EVL: variants seen among roughly 807,000 people sequenced by gnomAD.
EVL encodes Enah/Vasp-like, also known as ena/VASP-like protein.
In EVL, 21 loss-of-function variants were observed where a neutral mutation model predicts 59.6. The ratio of observed to expected loss-of-function variants is 0.35; its 90% CI spans 0.25 to 0.51. EVL has a LOEUF of 0.51. Among genes scored for constraint, EVL ranks in the 20% least tolerant of loss-of-function variants. The pLI is 0.97. For missense variants in EVL, 462 were observed against 546.6 expected (o/e 0.85, Z 1.54); for synonymous variants, 198 against 203.5 (o/e 0.97, Z 0.23).
At chr14:100,099,918 A>G (rs1207991690) in intron 3 of EVL, among the ~76,000 whole-genome samples, 2 of 140,770 alleles carry the variant, frequency 1.4e-5, no homozygotes, top group East Asian at 4.1e-4. Flanking sequence ...GTTTTTATTT[A>G]ATTTAAGTGG....
chr14:99,991,040 T>G (rs1347516564), intron 1 of EVL, among the ~76,000 whole-genome samples: 3 of 152,114 alleles, frequency 2.0e-5, no homozygotes, highest in Non-Finnish European at 4.4e-5. Flanking sequence ...AAAAATTTTT[T>G]GGAGATTTGT....
intron 1 of EVL, among the ~76,000 whole-genome samples, chr14:99,982,830 C>T (rs939251307): frequency 6.6e-6 from 1 of 152,130 alleles, no homozygotes; most frequent in African/African-American, 2.4e-5. Context: ...ACTGAGCAGC[C>T]TGGGTTTTAG....
At chr14:100,066,870 T>C (rs1469947982) in intron 1 of EVL, among the ~76,000 whole-genome samples, 1 of 152,236 alleles carries the variant, frequency 6.6e-6, no homozygotes, top group Non-Finnish European at 1.5e-5. Context: ...GGGCACCTTA[T>C]TCTCCACTTC....
intron 3 of EVL, among the ~76,000 whole-genome samples, chr14:100,105,279 A>G (rs1487730138): frequency 6.6e-6 from 1 of 152,160 alleles, no homozygotes; most frequent in Non-Finnish European, 1.5e-5. Flanking sequence ...ACGGGGACTC[A>G]GGATATGTGT....
intron 1 of EVL, among the ~76,000 whole-genome samples, chr14:100,079,805 C>A (rs2062253081): frequency 6.6e-6 from 1 of 152,110 alleles, no homozygotes; most frequent in Admixed American, 6.5e-5. Context: ...AGTCCAGGGG[C>A]ACAGAGCCTG....
intron 1 of EVL, among the ~76,000 whole-genome samples, chr14:100,000,676 C>T (rs556095716): frequency 1.6e-4 from 25 of 152,172 alleles, no homozygotes; most frequent in Non-Finnish European, 2.2e-4. Context: ...CCAAAGGAGG[C>T]GATCAGGTAT....
chr14:100,063,055 A>C (rs2140266191), upstream of EVL, among the ~76,000 whole-genome samples: 1 of 152,312 alleles, frequency 6.6e-6, no homozygotes, highest in East Asian at 1.9e-4. Context: ...CTATGATCAC[A>C]CCACTGCATT....
intron 1 of EVL, among the ~76,000 whole-genome samples, chr14:100,003,597 A>G (rs973968038): frequency 4.6e-5 from 7 of 152,082 alleles, no homozygotes; most frequent in African/African-American, 1.7e-4. Context: ...TTGTATTTTT[A>G]GTAGAGACGG....
chr14:100,104,242 C>G (rs546880730), intron 3 of EVL, among the ~76,000 whole-genome samples: 1 of 152,192 alleles, frequency 6.6e-6, no homozygotes, highest in Non-Finnish European at 1.5e-5. Flanking sequence ...CTTTTGAGTT[C>G]TTCTATTTAT....
chr14:100,046,769 T>C (rs974020407), intron 1 of EVL, among the ~76,000 whole-genome samples: 1 of 148,262 alleles, frequency 6.7e-6, no homozygotes. Context: ...TTTTTTTTTT[T>C]TGAGGAAGAG....
At chr14:100,013,771 A>G (rs2061032679) in intron 1 of EVL, among the ~76,000 whole-genome samples, 1 of 152,222 alleles carries the variant, frequency 6.6e-6, no homozygotes, top group Non-Finnish European at 1.5e-5. Flanking sequence ...CAGGTTGGCA[A>G]GTTTGAGAGC....
Position 100,114,968 on chromosome 14 carries a change from C to A in EVL, c.359-8571C>A, listed in dbSNP as rs977931810. Among the ~76,000 whole-genome samples the A allele has an allele frequency of 2.0e-5, 3 of 152,004 alleles. No homozygotes were observed. Among genetic ancestry groups the A allele is most frequent in the Non-Finnish European group, 4.4e-5 (3 of 68,026 alleles). ...ACTGGAGGCACATGACCTCGGGTAG[C>A]TTTTCCGAGCCTCAGTTTCCCCACC... On this transcript the variant is annotated intron_variant, in intron 3 of 13. Transcript: ENST00000392920. The surrounding 1 kb of genome is among the most constrained non-coding windows in gnomAD (Gnocchi z 5.0).
At chr14:100,048,992 C>A (rs2061602399) in intron 1 of EVL, among the ~76,000 whole-genome samples, 1 of 152,146 alleles carries the variant, frequency 6.6e-6, no homozygotes, top group Non-Finnish European at 1.5e-5. Flanking sequence ...TGATGGCACT[C>A]TTCTGCCTTC....
intron 4 of EVL, among the ~76,000 whole-genome samples, chr14:100,124,026 C>G (rs1247503852): frequency 1.3e-5 from 2 of 152,208 alleles, no homozygotes; most frequent in African/African-American, 4.8e-5. Context: ...CCCCTCACCC[C>G]ATGGAGCTTC....
At chr14:99,971,792 G>T (rs995066339) in exon 1 of EVL, 23 of 130,734 alleles carry the variant, frequency 1.8e-4, no homozygotes, top group South Asian at 2.6e-4. Flanking sequence ...CGCACACGCC[G>T]GCCCGGGCAC....
At chr14:100,050,853 C>T (rs12434699) in intron 1 of EVL, among the ~76,000 whole-genome samples, 20,091 of 150,326 alleles carry the variant, frequency 0.13, 2,041 homozygotes, top group African/African-American at 0.28. Context: ...AGCAGTCCTC[C>T]CGCCTCAGCC....
chr14:100,012,745 ACTT>A (rs2061024841), intron 1 of EVL, among the ~76,000 whole-genome samples: 1 of 152,142 alleles, frequency 6.6e-6, no homozygotes, highest in Non-Finnish European at 1.5e-5. Context: ...TGGTGGTTTT[ACTT>A]TTTCTCTTGA....
At chr14:100,137,891 T>A in intron 11 of EVL, 89 bp downstream of exon 11, 1 of 1,324,668 alleles carries the variant, frequency 7.5e-7, no homozygotes, top group South Asian at 1.2e-5. Flanking sequence ...GCACGCTGTC[T>A]CACGTCCTGG....
At chr14:100,121,069 C>T (rs980300829) in intron 3 of EVL, among the ~76,000 whole-genome samples, 7 of 152,182 alleles carry the variant, frequency 4.6e-5, no homozygotes, top group African/African-American at 1.4e-4. Context: ...ATCTGCAGCA[C>T]GGGACAGGTG....
Sources: allele counts gnomAD v4.1 joint callset (sites outside exome capture counted in the v4.1 genomes callset), GRCh38; gene constraint gnomAD v4.1.1; non-coding constraint Gnocchi (gnomAD v3.1); transcripts MANE v1.5; gene names NCBI Gene and HGNC (gene_info 2026-07-23, HGNC 2026-07-21).